XIRP2: variants seen among roughly 807,000 people sequenced by gnomAD.
The protein encoded by XIRP2 is xin actin binding repeat containing 2.
XIRP2 carries 236 observed loss-of-function variants against 277.0 expected under a neutral mutation model. That is an observed-to-expected ratio of 0.85 (90% CI 0.77 to 0.95). The LOEUF (loss-of-function observed/expected upper bound fraction) is 0.95, where lower values mean the gene tolerates loss of function less well. Among genes scored for constraint, XIRP2 ranks in the 40% least tolerant of loss-of-function variants. XIRP2 has a pLI of 0.00. For missense variants in XIRP2, 4,640 were observed against 4,157.5 expected (o/e 1.12, Z -3.19); for synonymous variants, 1,490 against 1,416.5 (o/e 1.05, Z -1.17).
At chr2:167,110,924 C>T (rs968204901) in intron 2 of XIRP2, among the ~76,000 whole-genome samples, 1 of 151,908 alleles carries the variant, frequency 6.6e-6, no homozygotes, top group African/African-American at 2.4e-5. Flanking sequence ...TTTTCTTCTT[C>T]TTGTGGCAAC....
At chr2:167,170,249 T>C (rs755099475) in intron 3 of XIRP2, among the ~76,000 whole-genome samples, 1 of 152,148 alleles carries the variant, frequency 6.6e-6, no homozygotes, top group Non-Finnish European at 1.5e-5. Context: ...GGAGAAATAT[T>C]GGTCTTTAAC....
intron 2 of XIRP2, among the ~76,000 whole-genome samples, chr2:167,109,992 A>C (rs751782443): frequency 3.9e-5 from 6 of 151,962 alleles, no homozygotes; most frequent in Non-Finnish European, 8.8e-5. Flanking sequence ...ATGTCTGTTC[A>C]TGTCCTTTGC....
chr2:166,953,084 T>C (rs565990861), intron 2 of XIRP2, among the ~76,000 whole-genome samples: 1 of 152,136 alleles, frequency 6.6e-6, no homozygotes, highest in South Asian at 2.1e-4. Context: ...TGGGGCTAGT[T>C]ATGGTGTCCC....
At chr2:167,123,042 G>A (rs1228694488) in intron 2 of XIRP2, among the ~76,000 whole-genome samples, 1 of 152,060 alleles carries the variant, frequency 6.6e-6, no homozygotes, top group Non-Finnish European at 1.5e-5. Context: ...GCAGAATTGT[G>A]GTAGGAACAT....
At chr2:166,888,673 G>C (rs537122075) in intron 1 of XIRP2, 116 bp downstream of exon 1, 1 of 152,244 alleles carries the variant, frequency 6.6e-6, no homozygotes, top group East Asian at 1.9e-4. Context: ...TTTCTTTTAA[G>C]TAATATACAT....
rs138824599 is a variant in XIRP2, at chr2:167,142,626, A to G, written c.562+6564A>G. On this transcript the variant is annotated intron_variant, in intron 3 of 10. Transcript: ENST00000409195. ...GGATTTGTGTTACCTAATGGGTTTG[A>G]AATTAGAATGTCAGTACAAAGCTGA... 7.2e-5 allele frequency among the ~76,000 whole-genome samples: 11 copies of G among 152,276 alleles called. No individual in the cohort carries two copies. In the East Asian group the frequency reaches 1.9e-3, roughly 27 times the overall value.
intron 2 of XIRP2, among the ~76,000 whole-genome samples, chr2:167,033,881 A>G (rs1420250571): frequency 6.6e-6 from 1 of 152,208 alleles, no homozygotes; most frequent in African/African-American, 2.4e-5. Context: ...GCTAAAGGAA[A>G]TTCTTCAATC....
At chr2:167,044,401 T>A (rs1574199392) in intron 2 of XIRP2, among the ~76,000 whole-genome samples, 2 of 151,982 alleles carry the variant, frequency 1.3e-5, no homozygotes, top group Non-Finnish European at 2.9e-5. Flanking sequence ...CTATTAAACA[T>A]AGCATTGGCA....
chr2:167,013,515 A>G (rs1164454882), intron 2 of XIRP2, among the ~76,000 whole-genome samples: 1 of 151,540 alleles, frequency 6.6e-6, no homozygotes. Flanking sequence ...TCTGGTTAGC[A>G]AGGTTCTTCC....
At chr2:166,994,829 T>C (rs1187670340) in intron 2 of XIRP2, among the ~76,000 whole-genome samples, 1 of 152,058 alleles carries the variant, frequency 6.6e-6, no homozygotes, top group Non-Finnish European at 1.5e-5. Context: ...AGTTTAAGGG[T>C]TTACAGGAAT....
intron 2 of XIRP2, among the ~76,000 whole-genome samples, chr2:166,917,904 T>A (rs117007324): frequency 1.3e-5 from 2 of 152,202 alleles, no homozygotes; most frequent in East Asian, 3.9e-4. Context: ...ACTATTTTTT[T>A]CCTTTCCCTG....
intron 2 of XIRP2, among the ~76,000 whole-genome samples, chr2:166,971,586 A>G (rs953669781): frequency 2.1e-4 from 32 of 152,098 alleles, no homozygotes; most frequent in African/African-American, 7.2e-4. Context: ...AGGTATAATT[A>G]GTTCTTTTTT....
At chr2:166,921,850 A>C (rs2105358172) in intron 2 of XIRP2, among the ~76,000 whole-genome samples, 1 of 152,236 alleles carries the variant, frequency 6.6e-6, no homozygotes, top group South Asian at 2.1e-4. Flanking sequence ...ATCTTTGATA[A>C]CTTGATGTTG....
At chr2:167,220,182 T>C (rs1185058588) in intron 5 of XIRP2, among the ~76,000 whole-genome samples, 1 of 152,180 alleles carries the variant, frequency 6.6e-6, no homozygotes, top group Non-Finnish European at 1.5e-5. Context: ...TCTTTTTTTT[T>C]CCTTCTTTCA....
intron 1 of XIRP2, among the ~76,000 whole-genome samples, chr2:166,892,416 G>T (rs1243248872): frequency 6.6e-6 from 1 of 152,134 alleles, no homozygotes; most frequent in Non-Finnish European, 1.5e-5. Context: ...GACATGTGTT[G>T]ATCTTTCATG....
intron 2 of XIRP2, among the ~76,000 whole-genome samples, chr2:167,113,414 C>A (rs1164912391): frequency 6.6e-6 from 1 of 152,108 alleles, no homozygotes; most frequent in Non-Finnish European, 1.5e-5. Flanking sequence ...CCTAATTTAT[C>A]TTTCTTGATC....
intron 2 of XIRP2, among the ~76,000 whole-genome samples, chr2:166,982,975 A>G (rs1686913388): frequency 6.6e-6 from 1 of 152,224 alleles, no homozygotes; most frequent in Non-Finnish European, 1.5e-5. Context: ...ACCAAATGCC[A>G]ATATACTAGT....
intron 2 of XIRP2, among the ~76,000 whole-genome samples, chr2:166,919,341 T>C (rs1352492364): frequency 2.6e-5 from 4 of 152,176 alleles, no homozygotes; most frequent in Admixed American, 1.3e-4. Flanking sequence ...CTACCAAATA[T>C]GATGATTTAT....
At chr2:167,118,416 A>T (rs1690956169) in intron 2 of XIRP2, among the ~76,000 whole-genome samples, 1 of 151,898 alleles carries the variant, frequency 6.6e-6, no homozygotes, top group South Asian at 2.1e-4. Flanking sequence ...AGGGAGCTGG[A>T]GGTTGCAGTG....
Sources: allele counts gnomAD v4.1 joint callset (sites outside exome capture counted in the v4.1 genomes callset), GRCh38; gene constraint gnomAD v4.1.1; transcripts MANE v1.5; gene names NCBI Gene and HGNC (gene_info 2026-07-23, HGNC 2026-07-21).